GABRG3: variants seen among roughly 807,000 people sequenced by gnomAD.
GABRG3 encodes the protein gamma-aminobutyric acid type A receptor subunit gamma3.
A neutral mutation model predicts 48.8 loss-of-function variants in GABRG3; 25 were observed. The ratio of observed to expected loss-of-function variants is 0.51; its 90% CI spans 0.37 to 0.72. The LOEUF (loss-of-function observed/expected upper bound fraction) is 0.72. Ranked by LOEUF, GABRG3 falls within the 30% of genes least tolerant of loss-of-function variation. The probability of loss-of-function intolerance (pLI) is 0.00; values close to 1 mark genes in which losing one functional copy is unlikely to be tolerated. For missense variants in GABRG3, 394 were observed against 577.9 expected (o/e 0.68, Z 3.26); for synonymous variants, 227 against 217.6 (o/e 1.04, Z -0.38).
At chr15:27,260,952 G>A (rs1006316491) in intron 3 of GABRG3, among the ~76,000 whole-genome samples, 4 of 152,108 alleles carry the variant, frequency 2.6e-5, no homozygotes, top group South Asian at 2.1e-4. Flanking sequence ...ACGGGGAAAC[G>A]CACAGGATGC....
At chr15:27,121,199 C>T (rs1486021565) in intron 3 of GABRG3, among the ~76,000 whole-genome samples, 2 of 152,192 alleles carry the variant, frequency 1.3e-5, no homozygotes, top group African/African-American at 4.8e-5. Context: ...AATCAAATGT[C>T]TGGTTATTCT....
intron 3 of GABRG3, among the ~76,000 whole-genome samples, chr15:27,109,107 T>A (rs1220805712): frequency 6.6e-6 from 1 of 152,214 alleles, no homozygotes; most frequent in Non-Finnish European, 1.5e-5. Flanking sequence ...ACATTTAGAT[T>A]GTTGTAAATT....
intron 2 of GABRG3, among the ~76,000 whole-genome samples, chr15:26,997,478 A>G (rs1323987000): frequency 1.3e-5 from 2 of 152,206 alleles, no homozygotes; most frequent in Non-Finnish European, 1.5e-5. Context: ...CCACCCTTCC[A>G]ACATTTACAT....
intron 5 of GABRG3, among the ~76,000 whole-genome samples, chr15:27,402,678 T>C (rs1887509241): frequency 2.6e-5 from 4 of 152,194 alleles, no homozygotes; most frequent in Non-Finnish European, 5.9e-5. Flanking sequence ...CAGAATGAAA[T>C]GCAAATCCTC....
At chr15:27,246,963 T>G (rs1324780334) in intron 3 of GABRG3, among the ~76,000 whole-genome samples, 1 of 152,180 alleles carries the variant, frequency 6.6e-6, no homozygotes, top group Non-Finnish European at 1.5e-5. Context: ...ATGTACATAC[T>G]CCTATCTTTT....
At chr15:27,437,544 A>G (rs998854604) in intron 5 of GABRG3, among the ~76,000 whole-genome samples, 2 of 151,984 alleles carry the variant, frequency 1.3e-5, no homozygotes, top group East Asian at 3.9e-4. Flanking sequence ...TTTGTTCTGC[A>G]TATACGTATA....
chr15:27,360,436 G>C (rs1894983466), intron 5 of GABRG3, among the ~76,000 whole-genome samples: 1 of 152,204 alleles, frequency 6.6e-6, no homozygotes, highest in South Asian at 2.1e-4. Flanking sequence ...GGAAACTCAT[G>C]GGCCACCAGA....
At chr15:27,189,353 C>A (rs1444179573) in intron 3 of GABRG3, among the ~76,000 whole-genome samples, 4 of 152,054 alleles carry the variant, frequency 2.6e-5, no homozygotes, top group Non-Finnish European at 5.9e-5. Flanking sequence ...ATTCTTCCTA[C>A]CCATGAGCAT....
intron 5 of GABRG3, among the ~76,000 whole-genome samples, chr15:27,343,576 G>A (rs1231188510): frequency 1.3e-5 from 2 of 152,206 alleles, no homozygotes; most frequent in Non-Finnish European, 2.9e-5. Context: ...GTATTTATAT[G>A]TGTAGGTGGC....
At chr15:27,252,526 G>C (rs1426487660) in intron 3 of GABRG3, among the ~76,000 whole-genome samples, 1 of 152,182 alleles carries the variant, frequency 6.6e-6, no homozygotes, top group East Asian at 1.9e-4. Flanking sequence ...ACCCCAGCCA[G>C]GGGATACTAG....
chr15:27,181,604 C>G (rs189592140), intron 3 of GABRG3, among the ~76,000 whole-genome samples: 50 of 152,300 alleles, frequency 3.3e-4, no homozygotes, highest in Non-Finnish European at 1.0e-4. Flanking sequence ...ACTCGTACAT[C>G]CTGCCCACGT....
At chr15:27,232,565 T>G (rs1313713674) in intron 3 of GABRG3, among the ~76,000 whole-genome samples, 1 of 152,140 alleles carries the variant, frequency 6.6e-6, no homozygotes, top group Non-Finnish European at 1.5e-5. Context: ...TTGGGGTAAA[T>G]TGGGGCAGCT....
chr15:27,388,358 AAGGAAGGAAGAAAGG>A (rs1896101223), intron 5 of GABRG3, among the ~76,000 whole-genome samples: 1 of 24,956 alleles, frequency 4.0e-5, no homozygotes, highest in Non-Finnish European at 9.4e-5. Flanking sequence ...GAGGGTAAGG[AAGGAAGGAAGAAAGG>A]AAGGAAGGAA....
chr15:27,327,851 C>A (rs1327139837), intron 4 of GABRG3, among the ~76,000 whole-genome samples: 1 of 152,174 alleles, frequency 6.6e-6, no homozygotes, highest in Non-Finnish European at 1.5e-5. Context: ...CCACTCTGCT[C>A]TTTCTGCCTC....
intron 3 of GABRG3, among the ~76,000 whole-genome samples, chr15:27,195,198 G>T (rs973650356): frequency 1.3e-5 from 2 of 152,130 alleles, no homozygotes; most frequent in Non-Finnish European, 2.9e-5. Flanking sequence ...TAAAATCCTT[G>T]TCCGACAATT....
At chr15:27,152,335 T>G (rs1898332270) in intron 3 of GABRG3, among the ~76,000 whole-genome samples, 1 of 152,224 alleles carries the variant, frequency 6.6e-6, no homozygotes, top group African/African-American at 2.4e-5. Flanking sequence ...CTGTTTTATT[T>G]ATCTATTGTT....
At chr15:27,486,983 A>AT (rs998710518) in intron 6 of GABRG3, among the ~76,000 whole-genome samples, 4 of 152,192 alleles carry the variant, frequency 2.6e-5, no homozygotes, top group Admixed American at 6.5e-5. Context: ...TGTAGAAGAA[A>AT]TTCAAGAAGT....
At chr15:27,056,375 A>G (rs894391255) in intron 3 of GABRG3, among the ~76,000 whole-genome samples, 1 of 132,668 alleles carries the variant, frequency 7.5e-6, no homozygotes, top group Admixed American at 7.4e-5. Flanking sequence ...AAAAAAAAAG[A>G]AAAGAAAAAA....
In GABRG3 at chr15:27,540,399, C is replaced by T. The variant is rs1168540662; in HGVS notation, c.*7518C>T. 2.6e-5 allele frequency: 4 copies of T among 152,118 alleles called. No individual in the cohort carries two copies. Among genetic ancestry groups the T allele is most frequent in the Non-Finnish European group, 4.4e-5 (3 of 68,024 alleles). 9.4% of individuals were successfully genotyped at this position (152,118 alleles called of 1,614,324 possible). A position where few individuals can be genotyped will look rare whatever the true frequency, so the allele number is the denominator to read the frequency against. ...TTGGAAACTGCAAATTTTGTGAGCT[C>T]AAAAAGACAATCACTGTGCTTCTTA... is the stretch of plus-strand genomic sequence containing the variant. On this transcript the variant is annotated 3_prime_UTR_variant, in exon 10 of 10. Transcript: ENST00000615808.
Sources: gnomAD v4.1 joint callset for allele counts (sites outside exome capture counted in the v4.1 genomes callset) on GRCh38, gnomAD v4.1.1 for gene constraint, MANE v1.5 for transcripts, NCBI Gene and HGNC (gene_info 2026-07-23, HGNC 2026-07-21) for gene names.